Variants in NLGN1 observed in about 807,000 individuals in gnomAD.
NLGN1 encodes neuroligin-1.
Under a neutral mutation model 65.5 loss-of-function variants are expected in NLGN1, and 12 were observed. The observed-to-expected ratio is 0.18, with a 90% CI of 0.12 to 0.30. NLGN1 has a LOEUF of 0.30. Ranked by LOEUF, NLGN1 falls within the 10% of genes least tolerant of loss-of-function variation. NLGN1 has a pLI of 1.00. For synonymous variants in NLGN1, 350 were observed against 359.5 expected (o/e 0.97, Z 0.30); for missense variants, 750 against 1,007.1 (o/e 0.74, Z 3.46).
chr3:174,140,279 G>A (rs916662097), intron 4 of NLGN1, among the ~76,000 whole-genome samples: 3 of 151,908 alleles, frequency 2.0e-5, no homozygotes, highest in African/African-American at 7.3e-5. Context: ...TTTTAGATGT[G>A]TTCATTACCT....
intron 1 of NLGN1, among the ~76,000 whole-genome samples, chr3:173,399,064 T>C (rs1717160919): frequency 6.6e-6 from 1 of 152,246 alleles, no homozygotes; most frequent in Admixed American, 6.5e-5. Flanking sequence ...GGGCCATTCA[T>C]ATATTTAAAA....
intron 4 of NLGN1, among the ~76,000 whole-genome samples, chr3:173,909,234 A>C (rs934364169): frequency 6.6e-6 from 1 of 152,156 alleles, no homozygotes; most frequent in Admixed American, 6.5e-5. Context: ...ATAAAAAAAA[A>C]GCCCAGACAA....
chr3:174,263,431 T>G (rs1169940563), intron 4 of NLGN1, among the ~76,000 whole-genome samples: 2 of 150,514 alleles, frequency 1.3e-5, no homozygotes, highest in Non-Finnish European at 3.0e-5. Context: ...CCTTTACCAT[T>G]ATGTAATGGC....
rs982286192 is a variant in NLGN1 at position 173,935,447 on chromosome 3, T to G, written c.646+127615T>G. On this transcript the variant is annotated intron_variant, in intron 4 of 6. Transcript: ENST00000457714. Reference sequence around the variant, plus strand: ...CATGAAAATATGGACTTTTTTTTACTGCCCTGCATGTCAGTAGATACTGGT... The same window carrying G: ...CATGAAAATATGGACTTTTTTTTACGGCCCTGCATGTCAGTAGATACTGGT... Among the ~76,000 whole-genome samples the G allele has an allele frequency of 7.9e-5, 12 of 151,922 alleles. 1 individual carries two copies. Among genetic ancestry groups the G allele is most frequent in the Admixed American group, 3.3e-4 (5 of 15,206 alleles).
intron 2 of NLGN1, among the ~76,000 whole-genome samples, chr3:173,595,385 C>T (rs1749290444): frequency 6.6e-6 from 1 of 152,186 alleles, no homozygotes; most frequent in South Asian, 2.1e-4. Flanking sequence ...TAACAAGAGT[C>T]ACCTTTTCTC....
At chr3:173,449,502 A>T (rs1322221374) in intron 2 of NLGN1, among the ~76,000 whole-genome samples, 1 of 152,106 alleles carries the variant, frequency 6.6e-6, no homozygotes, top group Non-Finnish European at 1.5e-5. Flanking sequence ...CAATTTTGTA[A>T]TAGGTGTGGT....
chr3:173,437,518 T>C (rs1183385172), intron 2 of NLGN1, among the ~76,000 whole-genome samples: 1 of 152,202 alleles, frequency 6.6e-6, no homozygotes, highest in African/African-American at 2.4e-5. Context: ...TGAACGTTGA[T>C]GGATATGACA....
chr3:174,292,520 A>G, the NLGN1 span, among the ~76,000 whole-genome samples: 1 of 151,450 alleles, frequency 6.6e-6, no homozygotes, highest in East Asian at 1.9e-4. Flanking sequence ...ATAATTAAAA[A>G]GAAAACATCT....
At chr3:173,709,772 C>T (rs1768635625) in intron 3 of NLGN1, among the ~76,000 whole-genome samples, 1 of 129,038 alleles carries the variant, frequency 7.7e-6, no homozygotes, top group African/African-American at 3.0e-5. Context: ...CATTGAATTA[C>T]AGCCTGGGCA....
chr3:173,973,980 T>C (rs1716863033), intron 4 of NLGN1, among the ~76,000 whole-genome samples: 1 of 152,038 alleles, frequency 6.6e-6, no homozygotes, highest in Non-Finnish European at 1.5e-5. Flanking sequence ...AGCAGGATAA[T>C]TGATTGACAC....
At chr3:173,793,226 A>G (rs559949365) in intron 3 of NLGN1, among the ~76,000 whole-genome samples, 44 of 152,284 alleles carry the variant, frequency 2.9e-4, no homozygotes, top group Non-Finnish European at 5.9e-4. Context: ...AGAGCTTTCT[A>G]CAATAATTCA....
chr3:173,807,078 C>G (rs772722362), intron 3 of NLGN1, among the ~76,000 whole-genome samples: 25 of 152,274 alleles, frequency 1.6e-4, no homozygotes, highest in Non-Finnish European at 2.8e-4. Context: ...AAGAGGAGCA[C>G]AGATGTACAT....
At chr3:174,219,229 G>T (rs1738193612) in intron 4 of NLGN1, among the ~76,000 whole-genome samples, 1 of 152,040 alleles carries the variant, frequency 6.6e-6, no homozygotes, top group African/African-American at 2.4e-5. Context: ...TTGCTAAAAG[G>T]TTCTCTGAAG....
intron 4 of NLGN1, among the ~76,000 whole-genome samples, chr3:173,830,741 C>T (rs1006291173): frequency 2.6e-5 from 4 of 152,130 alleles, no homozygotes; most frequent in Non-Finnish European, 5.9e-5. Flanking sequence ...ATATTACGTA[C>T]ATTGCACCCA....
chr3:173,794,667 G>T (rs1483165752), intron 3 of NLGN1, among the ~76,000 whole-genome samples: 1 of 152,158 alleles, frequency 6.6e-6, no homozygotes, highest in Admixed American at 6.6e-5. Flanking sequence ...TACTGTATCT[G>T]CATGTAATAA....
chr3:173,542,003 T>C (rs1263072716), intron 2 of NLGN1, among the ~76,000 whole-genome samples: 1 of 152,094 alleles, frequency 6.6e-6, no homozygotes, highest in Non-Finnish European at 1.5e-5. Flanking sequence ...AATTTTCTAC[T>C]ACATCCATCC....
intron 4 of NLGN1, among the ~76,000 whole-genome samples, chr3:173,870,980 G>A (rs1272788158): frequency 6.6e-6 from 1 of 152,174 alleles, no homozygotes; most frequent in Non-Finnish European, 1.5e-5. Flanking sequence ...GGAGGCTGGT[G>A]ACCAGAAAGA....
Position 173,495,680 on chromosome 3 carries a change from G to GAAAAA in NLGN1, c.-321+60615_-321+60619dup, listed in dbSNP as rs5854510. 6.9e-5 allele frequency among the ~76,000 whole-genome samples: 9 copies of GAAAAA among 130,328 alleles called. 1 individual carries two copies. Among genetic ancestry groups the GAAAAA allele is most frequent in the Admixed American group, 7.7e-5 (1 of 12,976 alleles). The allele number at this position is 130,328 out of a possible 152,430, so 85.5% of individuals were successfully genotyped here. On this transcript the variant is annotated intron_variant, in intron 2 of 6. Coordinates refer to ENST00000457714, the Ensembl canonical transcript of NLGN1. ...TCCCGGTTTTCTAAGAGTCTTTTTT[G>GAAAAA]AAAAAAAAAAAAAAAAACTCTATTG...
chr3:173,813,276 A>G (rs535706539), intron 4 of NLGN1, among the ~76,000 whole-genome samples: 19 of 152,308 alleles, frequency 1.2e-4, no homozygotes, highest in Admixed American at 3.9e-4. Context: ...GACTCTTTCA[A>G]AGAACCCCCA....
Sources: gnomAD v4.1 joint callset for allele counts (sites outside exome capture counted in the v4.1 genomes callset) on GRCh38, gnomAD v4.1.1 for gene constraint, MANE v1.5 for transcripts, NCBI Gene and HGNC (gene_info 2026-07-23, HGNC 2026-07-21) for gene names.